RAP1GAP2: variants seen among roughly 807,000 people sequenced by gnomAD.
RAP1GAP2 encodes rap1 GTPase-activating protein 2.
In RAP1GAP2, 27 loss-of-function variants were observed where a neutral mutation model predicts 95.0. That is an observed-to-expected ratio of 0.28 (90% CI 0.21 to 0.39). RAP1GAP2 has a LOEUF of 0.39. Ranked by LOEUF, RAP1GAP2 falls within the 10% of genes least tolerant of loss-of-function variation. The pLI is 1.00. For missense variants in RAP1GAP2, 771 were observed against 970.0 expected (o/e 0.79, Z 2.72); for synonymous variants, 373 against 380.9 (o/e 0.98, Z 0.24).
rs571007664 is a variant in RAP1GAP2, at chr17:2,942,962, T to G, written c.166-14797T>G. On this transcript the variant is annotated intron_variant, in intron 3 of 24. Coordinates refer to ENST00000254695, the MANE Select transcript of RAP1GAP2 (RefSeq NM_015085.5). ...TTTTGTATTTTTAGTAGAGATGGGG[T>G]TTCACCATGTTGGTCAGGCTGGTCT... 2.1e-3 allele frequency among the ~76,000 whole-genome samples: 322 copies of G among 152,150 alleles called. 1 individual carries two copies. The highest frequency in any genetic ancestry group is 3.6e-3 in the Non-Finnish European group (246 of 67,998).
At chr17:3,019,834 C>G (rs955376932) in intron 18 of RAP1GAP2, among the ~76,000 whole-genome samples, 5 of 152,170 alleles carry the variant, frequency 3.3e-5, no homozygotes, top group Non-Finnish European at 5.9e-5. Flanking sequence ...TTGGTGGCCT[C>G]TAGAGGTTGG....
chr17:2,997,013 T>C (rs1056948088), intron 13 of RAP1GAP2, among the ~76,000 whole-genome samples: 1 of 152,182 alleles, frequency 6.6e-6, no homozygotes, highest in Non-Finnish European at 1.5e-5. Context: ...TGTCACTCTC[T>C]CACCCAGGCT....
chr17:2,828,356 A>AACAG (rs1311089016), intron 2 of RAP1GAP2, among the ~76,000 whole-genome samples: 2 of 151,238 alleles, frequency 1.3e-5, no homozygotes, highest in Non-Finnish European at 3.0e-5. Flanking sequence ...ACAACAAACA[A>AACAG]ACAAAAATAA....
upstream of RAP1GAP2, among the ~76,000 whole-genome samples, chr17:2,773,363 C>CA (rs910173638): frequency 3.0e-4 from 46 of 152,230 alleles, no homozygotes; most frequent in African/African-American, 1.1e-3. Context: ...AAAATTAGAC[C>CA]GGGGGTGGAG....
upstream of RAP1GAP2, among the ~76,000 whole-genome samples, chr17:2,793,005 C>T (rs2151466552): frequency 6.6e-6 from 1 of 152,272 alleles, no homozygotes; most frequent in East Asian, 1.9e-4. Context: ...CACATGTGGT[C>T]AGTGTGGGTG....
At chr17:2,847,057 G>A (rs1162535950) in intron 2 of RAP1GAP2, among the ~76,000 whole-genome samples, 1 of 152,204 alleles carries the variant, frequency 6.6e-6, no homozygotes, top group Non-Finnish European at 1.5e-5. Flanking sequence ...CGCCCAGGTT[G>A]GAGTGCAGTG....
chr17:2,788,173 C>T (rs964693416), intron 1 of RAP1GAP2, among the ~76,000 whole-genome samples: 1 of 150,110 alleles, frequency 6.7e-6, no homozygotes, highest in African/African-American at 2.4e-5. Flanking sequence ...GTGTATTAGT[C>T]AGGGCTTTGC....
chr17:2,864,263 A>G (rs1299787462), intron 2 of RAP1GAP2, among the ~76,000 whole-genome samples: 1 of 152,186 alleles, frequency 6.6e-6, no homozygotes, highest in East Asian at 1.9e-4. Context: ...ACACAGTCCT[A>G]GGTGCTGAGG....
At chr17:2,874,991 T>C (rs2073029545) in intron 2 of RAP1GAP2, among the ~76,000 whole-genome samples, 1 of 152,186 alleles carries the variant, frequency 6.6e-6, no homozygotes, top group Non-Finnish European at 1.5e-5. Flanking sequence ...GGGCCAAAGT[T>C]GAGGACAGCT....
intron 2 of RAP1GAP2, among the ~76,000 whole-genome samples, chr17:2,839,717 C>G (rs7210787): frequency 0.93 from 141,507 of 152,278 alleles, 65,868 homozygotes; most frequent in East Asian, 1. Context: ...AGATTTGTCT[C>G]ATATTTTTCT....
At chr17:2,822,617 GTTTTTTTTTGTT>G (rs1353857773) in intron 2 of RAP1GAP2, among the ~76,000 whole-genome samples, 3 of 117,744 alleles carry the variant, frequency 2.5e-5, no homozygotes, top group African/African-American at 3.4e-5. Context: ...ATAAAACCCT[GTTTTTTTTTGTT>G]TTTTTTTTTT....
intron 11 of RAP1GAP2, among the ~76,000 whole-genome samples, chr17:2,985,277 ATGT>A (rs1188756894): frequency 2.9e-4 from 35 of 118,808 alleles, no homozygotes; most frequent in Non-Finnish European, 2.9e-4. Flanking sequence ...TTAAACAGTG[ATGT>A]TTTTTTTTTT....
At chr17:3,025,895 G>A (rs1001592664) in intron 19 of RAP1GAP2, 113 bp from the exon 20 acceptor site, 11 of 743,140 alleles carry the variant, frequency 1.5e-5, no homozygotes, top group South Asian at 5.2e-5. Context: ...AGGCGGGGGC[G>A]CTCTGACCCC....
intron 3 of RAP1GAP2, among the ~76,000 whole-genome samples, chr17:2,923,910 C>T (rs1196730453): frequency 1.3e-5 from 2 of 152,254 alleles, no homozygotes; most frequent in African/African-American, 2.4e-5. Flanking sequence ...GTTTGTGCTC[C>T]TTTGTAATAA....
intron 16 of RAP1GAP2, among the ~76,000 whole-genome samples, chr17:3,006,418 C>T (rs1376471069): frequency 2.7e-5 from 4 of 150,674 alleles, no homozygotes; most frequent in African/African-American, 4.9e-5. Context: ...GCGTGAGCCA[C>T]TGCGCCTGGC....
exon 2 of RAP1GAP2, chr17:2,770,360 G>A (rs1485115373): frequency 5.0e-6 from 2 of 398,568 alleles, no homozygotes; most frequent in Non-Finnish European, 4.4e-6. Flanking sequence ...CCGAATCGAG[G>A]AGAGGACGCT....
At chr17:3,022,197 G>T (rs2046983302) in intron 19 of RAP1GAP2, among the ~76,000 whole-genome samples, 1 of 152,198 alleles carries the variant, frequency 6.6e-6, no homozygotes, top group Non-Finnish European at 1.5e-5. Flanking sequence ...GGGGTGAGAT[G>T]ATAGCTTATT....
chr17:2,853,695 G>A lies in RAP1GAP2; in HGVS notation c.81-51589G>A, dbSNP rs867806216. Among the ~76,000 whole-genome samples, 117 of 146,300 alleles carry A rather than the reference G, an allele frequency of 8.0e-4. 2 individuals carry two copies. Among genetic ancestry groups the A allele is most frequent in the Middle Eastern group, 6.9e-3 (2 of 290 alleles). ...GGGCGGGTCCCGGCGCGGGCGGCGC[G>A]TCTGAGCGGGAGCCGGGAGCCGCCG... is the stretch of plus-strand genomic sequence containing the variant. On this transcript the variant is annotated intron_variant, in intron 2 of 24. Transcript: ENST00000254695.
intron 8 of RAP1GAP2, among the ~76,000 whole-genome samples, chr17:2,966,757 G>A (rs1374434481): frequency 6.6e-6 from 1 of 152,166 alleles, no homozygotes; most frequent in Non-Finnish European, 1.5e-5. Context: ...TTAATACCTG[G>A]ATCTCCATCT....
Sources: gnomAD v4.1 joint callset for allele counts (sites outside exome capture counted in the v4.1 genomes callset) on GRCh38, gnomAD v4.1.1 for gene constraint, MANE v1.5 for transcripts, NCBI Gene and HGNC (gene_info 2026-07-23, HGNC 2026-07-21) for gene names.